PALLD: variants seen among roughly 807,000 people sequenced by gnomAD.
PALLD encodes the protein palladin, cytoskeletal associated protein.
A neutral mutation model predicts 123.5 loss-of-function variants in PALLD; 61 were observed. That is an observed-to-expected ratio of 0.49 (90% CI 0.40 to 0.61). The LOEUF (loss-of-function observed/expected upper bound fraction) is 0.61, where lower values mean the gene tolerates loss of function less well. PALLD is among the 20% of genes least tolerant of loss of function. PALLD has a pLI of 0.00. For synonymous variants in PALLD, 465 were observed against 496.4 expected (o/e 0.94, Z 0.84); for missense variants, 1,273 against 1,377.0 (o/e 0.92, Z 1.20).
At chr4:168,663,741 G>T (rs1179323062) in intron 2 of PALLD, among the ~76,000 whole-genome samples, 1 of 152,044 alleles carries the variant, frequency 6.6e-6, no homozygotes, top group East Asian at 1.9e-4. Context: ...TTTGATAATT[G>T]ATCATTTGTC....
At chr4:168,878,254 ACAGGCGTCC>A in intron 10 of PALLD, 1 of 1,517,270 alleles carries the variant, frequency 6.6e-7, no homozygotes, top group Non-Finnish European at 8.8e-7. Flanking sequence ...CGAGCCCGGG[ACAGGCGTCC>A]CACTGCTCGT....
intron 10 of PALLD, among the ~76,000 whole-genome samples, chr4:168,800,500 A>C (rs1739170510): frequency 6.6e-6 from 1 of 152,242 alleles, no homozygotes; most frequent in South Asian, 2.1e-4. Context: ...GCTAATAAAC[A>C]TGAAAAGATG....
At chr4:168,623,937 G>A (rs547349096) in intron 2 of PALLD, among the ~76,000 whole-genome samples, 25 of 151,978 alleles carry the variant, frequency 1.6e-4, no homozygotes, top group Non-Finnish European at 3.2e-4. Context: ...TCTTAAGTTC[G>A]GAAAAGACAT....
intron 2 of PALLD, among the ~76,000 whole-genome samples, chr4:168,608,944 T>C (rs1773463343): frequency 6.6e-6 from 1 of 150,976 alleles, no homozygotes; most frequent in Admixed American, 6.6e-5. Context: ...GCACCCAGAG[T>C]TTCTTCCAGT....
chr4:168,608,121 C>T (rs938067260), intron 2 of PALLD, among the ~76,000 whole-genome samples: 2 of 152,304 alleles, frequency 1.3e-5, no homozygotes, highest in Non-Finnish European at 2.9e-5. Context: ...GTTAAACAAT[C>T]GCTGTGGCTG....
chr4:168,843,517 A>G (rs1359966729), intron 10 of PALLD, among the ~76,000 whole-genome samples: 1 of 152,208 alleles, frequency 6.6e-6, no homozygotes, highest in East Asian at 1.9e-4. Context: ...GTTGTAGCCC[A>G]TTATTCCAGG....
At chr4:168,500,340 A>C (rs1761268658) in intron 1 of PALLD, among the ~76,000 whole-genome samples, 1 of 151,982 alleles carries the variant, frequency 6.6e-6, no homozygotes, top group African/African-American at 2.4e-5. Flanking sequence ...CATGGGGATC[A>C]TGCCAGGGGG....
chr4:168,728,845 C>T (rs1318584524), intron 10 of PALLD, among the ~76,000 whole-genome samples: 1 of 152,044 alleles, frequency 6.6e-6, no homozygotes, highest in East Asian at 1.9e-4. Context: ...AGTATTTTAT[C>T]CCTCGCCCTC....
intron 2 of PALLD, among the ~76,000 whole-genome samples, chr4:168,549,610 T>A (rs1027510120): frequency 1.3e-5 from 2 of 152,142 alleles, no homozygotes; most frequent in Non-Finnish European, 2.9e-5. Context: ...CTTCACCCAA[T>A]TATCTTTTTT....
At chr4:168,703,127 C>T (rs181379090) in intron 8 of PALLD, among the ~76,000 whole-genome samples, 18,739 of 140,370 alleles carry the variant, frequency 0.13, 1,486 homozygotes, top group African/African-American at 0.22. Context: ...TCTCATTGTT[C>T]AGTTCCCACC....
At chr4:168,555,105 A>G (rs1005619091) in intron 2 of PALLD, among the ~76,000 whole-genome samples, 7 of 152,222 alleles carry the variant, frequency 4.6e-5, no homozygotes, top group Non-Finnish European at 8.8e-5. Flanking sequence ...CCAGTCTTCT[A>G]ATGAAGTATG....
Position 168,831,715 on chromosome 4 carries a change from G to T in PALLD, c.1965-59207G>T, listed in dbSNP as rs137977930. ...AGTCGCGTTTATTGGACACTCTTTA[G>T]TCTGTAAAGGAAAAAAACACAAACA... On this transcript the variant is annotated intron_variant, in intron 10 of 21. Transcript: ENST00000505667. Among the ~76,000 whole-genome samples, 645 of 152,120 alleles carry T rather than the reference G, an allele frequency of 4.2e-3. 2 individuals carry two copies. The highest frequency in any genetic ancestry group is 0.014 in the African/African-American group (561 of 41,470).
chr4:168,679,494 GGT>G (rs1781326991), intron 3 of PALLD, among the ~76,000 whole-genome samples: 1 of 125,056 alleles, frequency 8.0e-6, no homozygotes, highest in Admixed American at 7.6e-5. Flanking sequence ...TGTGTGGTGG[GGT>G]GTGTGTGTTT....
intron 2 of PALLD, among the ~76,000 whole-genome samples, chr4:168,572,533 T>C (rs946306571): frequency 3.9e-5 from 6 of 152,074 alleles, no homozygotes; most frequent in Non-Finnish European, 8.8e-5. Flanking sequence ...TCACTAGGTG[T>C]GGACGTTTAA....
At chr4:168,790,697 A>C (rs1453333034) in intron 10 of PALLD, among the ~76,000 whole-genome samples, 1 of 151,966 alleles carries the variant, frequency 6.6e-6, no homozygotes, top group African/African-American at 2.4e-5. Context: ...ATGCTGTTTT[A>C]ATTATTGTAC....
At chr4:168,540,638 CTTTATT>C (rs748486400) in intron 2 of PALLD, among the ~76,000 whole-genome samples, 31 of 152,220 alleles carry the variant, frequency 2.0e-4, no homozygotes, top group Non-Finnish European at 3.1e-4. Flanking sequence ...TTACATTCTT[CTTTATT>C]TTTATCTTCT....
At chr4:168,708,973 A>G in intron 8 of PALLD, 55 bp from the exon 9 acceptor site, 1 of 1,580,526 alleles carries the variant, frequency 6.3e-7, no homozygotes, top group African/African-American at 1.3e-5. Context: ...CTCACTTCTT[A>G]AAAGTGACTT....
chr4:168,503,547 T>C (rs1454488495), intron 1 of PALLD, among the ~76,000 whole-genome samples: 2 of 150,226 alleles, frequency 1.3e-5, no homozygotes, highest in Non-Finnish European at 2.9e-5. Flanking sequence ...CTCAGGAGGC[T>C]GAGGCAAGAG....
intron 10 of PALLD, among the ~76,000 whole-genome samples, chr4:168,721,739 G>A (rs1786041339): frequency 6.6e-6 from 1 of 152,034 alleles, no homozygotes; most frequent in Non-Finnish European, 1.5e-5. Context: ...TTAAATAATA[G>A]TTGCTTGCTA....
Sources: allele counts gnomAD v4.1 joint callset (sites outside exome capture counted in the v4.1 genomes callset), GRCh38; gene constraint gnomAD v4.1.1; transcripts MANE v1.5; gene names NCBI Gene and HGNC (gene_info 2026-07-23, HGNC 2026-07-21).